Variants in TINAG observed in about 807,000 individuals in gnomAD.
TINAG encodes tubulointerstitial nephritis antigen.
In TINAG, 83 loss-of-function variants were observed where a neutral mutation model predicts 72.7. The observed-to-expected ratio is 1.14, with a 90% CI of 0.96 to 1.37. The LOEUF (loss-of-function observed/expected upper bound fraction) is 1.37. Among genes scored for constraint, TINAG ranks in the 40% most tolerant of loss-of-function variants. TINAG has a pLI of 0.00. For missense variants in TINAG, 685 were observed against 576.6 expected (o/e 1.19, Z -1.93); for synonymous variants, 234 against 189.9 (o/e 1.23, Z -1.91).
intron 1 of TINAG, among the ~76,000 whole-genome samples, chr6:54,317,907 T>A (rs950115703): frequency 1.3e-5 from 2 of 152,194 alleles, no homozygotes; most frequent in African/African-American, 4.8e-5. Flanking sequence ...CATTACCAAA[T>A]GCAATATTCA....
intron 10 of TINAG, among the ~76,000 whole-genome samples, chr6:54,382,432 T>C (rs188396407): frequency 5.5e-4 from 84 of 152,236 alleles, no homozygotes; most frequent in African/African-American, 1.9e-3. Context: ...TTTTAGTCTA[T>C]GCATTCAGGA....
At chr6:54,356,217 C>A (rs1763037350) in intron 9 of TINAG, among the ~76,000 whole-genome samples, 1 of 151,680 alleles carries the variant, frequency 6.6e-6, no homozygotes. Context: ...CTAAAATTAA[C>A]AACTTAAAAA....
In TINAG at chr6:54,319,591, T is replaced by C. The variant is rs574716411; in HGVS notation, c.356-988T>C. Among the ~76,000 whole-genome samples the C allele has an allele frequency of 2.0e-5, 3 of 152,294 alleles. No homozygotes were observed. The South Asian group carries it at 6.2e-4, about 32-fold the overall frequency. ...GGGAGGGGCAGTTATGAAATATTTT[T>C]TATTACAATATTTTTTGGAAAATCA... On this transcript the variant is annotated intron_variant, in intron 1 of 10. Transcript: ENST00000259782.
intron 4 of TINAG, 110 bp from the exon 5 acceptor site, chr6:54,343,116 A>G: frequency 1.0e-6 from 1 of 957,018 alleles, no homozygotes; most frequent in East Asian, 3.3e-5. Flanking sequence ...GGAAACTTGG[A>G]TGTATAAAAT....
chr6:54,318,946 C>A lies in TINAG; in HGVS notation c.356-1633C>A, dbSNP rs557144051. On this transcript the variant is annotated intron_variant, in intron 1 of 10. Transcript: ENST00000259782. ...CTTACATGAAATTAAGGAAGGATGACCAAGAAATGGAGTTTTTGTTAACAT... is the reference window on the plus strand; with the variant it reads ...CTTACATGAAATTAAGGAAGGATGAACAAGAAATGGAGTTTTTGTTAACAT... Among the ~76,000 whole-genome samples the A allele has an allele frequency of 6.6e-5, 10 of 152,108 alleles. No individual in the cohort carries two copies. The South Asian group carries it at 1.2e-3, about 19-fold the overall frequency.
chr6:54,366,573 C>A (rs931346400), intron 9 of TINAG, among the ~76,000 whole-genome samples: 14 of 144,252 alleles, frequency 9.7e-5, no homozygotes, highest in African/African-American at 3.5e-4. Flanking sequence ...CTGTCCTCAG[C>A]ATCGAGATAG....
intron 9 of TINAG, 146 bp from the exon 10 acceptor site, chr6:54,380,380 A>G: frequency 1.8e-6 from 1 of 552,810 alleles, no homozygotes; most frequent in Non-Finnish European, 3.1e-6. Context: ...ACATTTCTGT[A>G]GGGCAATGGT....
chr6:54,348,917 A>G (rs1463190488), intron 6 of TINAG, among the ~76,000 whole-genome samples: 1 of 152,110 alleles, frequency 6.6e-6, no homozygotes, highest in African/African-American at 2.4e-5. Context: ...TCATGAACCA[A>G]TCCTTGTGGA....
intron 4 of TINAG, among the ~76,000 whole-genome samples, chr6:54,331,375 G>A (rs781680447): frequency 2.0e-5 from 3 of 152,200 alleles, no homozygotes; most frequent in Non-Finnish European, 4.4e-5. Context: ...TATCTCAATA[G>A]ATGCAGAAAA....
chr6:54,308,470 A>T lies in TINAG; in HGVS notation c.-81A>T. The T allele has an allele frequency of 8.3e-7, 1 of 1,206,416 alleles. No homozygotes were observed. The highest frequency in any genetic ancestry group is 2.4e-5 in the East Asian group (1 of 41,596). The allele number at this position is 1,206,416 out of a possible 1,614,324, so 74.7% of individuals were successfully genotyped here. A position where few individuals can be genotyped will look rare whatever the true frequency, so the allele number is the denominator to read the frequency against. On this transcript the variant is annotated 5_prime_UTR_variant, in exon 1 of 11. Transcript: ENST00000259782. ...AGGCTGAAGTGTCTTAATGACTAGA[A>T]TTCAGGTTCCAAGGAGAAGCCCACA...
At chr6:54,316,260 T>C (rs937704730) in intron 1 of TINAG, among the ~76,000 whole-genome samples, 3 of 152,010 alleles carry the variant, frequency 2.0e-5, no homozygotes, top group African/African-American at 4.8e-5. Flanking sequence ...TGCTTTTGAG[T>C]TTAAGAGATA....
At chr6:54,358,871 C>T (rs997274483) in intron 9 of TINAG, among the ~76,000 whole-genome samples, 1 of 151,774 alleles carries the variant, frequency 6.6e-6, no homozygotes, top group Non-Finnish European at 1.5e-5. Flanking sequence ...AAGGGATTGA[C>T]ATCTGATCGC....
chr6:54,320,548 A>G (rs201925900), intron 1 of TINAG, 31 bp from the exon 2 acceptor site: 24 of 1,560,502 alleles, frequency 1.5e-5, no homozygotes, highest in Non-Finnish European at 1.9e-5. Flanking sequence ...TTAGTTTAGC[A>G]TTTTCATTTC....
intron 9 of TINAG, among the ~76,000 whole-genome samples, chr6:54,355,022 A>G (rs796902417): frequency 3.9e-5 from 6 of 152,072 alleles, no homozygotes; most frequent in African/African-American, 1.4e-4. Context: ...GCAGGAAGAG[A>G]AGGTCACCTA....
chr6:54,372,602 T>C (rs1763653924), intron 9 of TINAG, among the ~76,000 whole-genome samples: 3 of 151,670 alleles, frequency 2.0e-5, no homozygotes, highest in Admixed American at 1.3e-4. Context: ...GGTTGTCCCA[T>C]GAAAAAGAGA....
At position 54,349,843 on chromosome 6, in the gene TINAG, G is replaced by A; in HGVS notation, c.1027G>A (p.Glu343Lys). The A allele has an allele frequency of 6.2e-7, 1 of 1,609,796 alleles. No individual in the cohort carries two copies. The highest frequency in any genetic ancestry group is 1.1e-5 in the South Asian group (1 of 90,580). ...CACGAAGCCATGTCCCAACAACGTAGAAAAATCTAACAGGATCTATCAATG... is the reference window on the plus strand; with the variant it reads ...CACGAAGCCATGTCCCAACAACGTAAAAAAATCTAACAGGATCTATCAATG... ...HATKPCPNNV[E>K]KSNRIYQCSP... is the part of the protein sequence containing the mutation. Residue 343 changes from glutamate (E) to lysine (K), a missense_variant, in exon 7 of 11, where the codon GAA (glutamate) becomes AAA (lysine). Glu to Lys is a moderately conservative substitution (Grantham distance 56, BLOSUM62 1). Transcript: ENST00000259782.
chr6:54,347,494 T>C lies in TINAG; in HGVS notation c.876T>C (p.Ala292=). The C allele has an allele frequency of 6.2e-7, 1 of 1,613,008 alleles. No homozygotes were observed. The change falls in exon 6 of 11, where the codon GCT becomes GCC. Residue 292 remains alanine, a synonymous_variant. Transcript: ENST00000259782. The part of the protein sequence containing the change: ...HGCNSGSIDR[A]WWYLRKRGLV... ...GCAATAGTGGAAGCATCGATAGGGC[T>C]TGGTGGTACCTGAGAAAACGTGGGT...
At chr6:54,372,749 TATATATATATATATATATATATACAC>T (rs1763664644) in intron 9 of TINAG, among the ~76,000 whole-genome samples, 1 of 14,720 alleles carries the variant, frequency 6.8e-5, no homozygotes, top group South Asian at 3.0e-3. Flanking sequence ...TATATATATA[TATATATATATATATATATATATACAC>T]ACACACACAC....
chr6:54,329,678 C>A (rs1217193067), intron 4 of TINAG, among the ~76,000 whole-genome samples: 4 of 151,926 alleles, frequency 2.6e-5, no homozygotes, highest in African/African-American at 9.7e-5. Context: ...CACAGACTGG[C>A]AAATTGGATA....
Sources: allele counts gnomAD v4.1 joint callset (sites outside exome capture counted in the v4.1 genomes callset), GRCh38; gene constraint gnomAD v4.1.1; transcripts MANE v1.5; gene names NCBI Gene and HGNC (gene_info 2026-07-23, HGNC 2026-07-21).